KCNJ3: variants seen among roughly 807,000 people sequenced by gnomAD.
KCNJ3 encodes the protein potassium inwardly rectifying channel subfamily J member 3, also known as G protein-activated inward rectifier potassium channel 1.
Under a neutral mutation model 39.2 loss-of-function variants are expected in KCNJ3, and 4 were observed. The observed-to-expected ratio is 0.10, with a 90% CI of 0.05 to 0.23. The LOEUF is 0.23. Ranked by LOEUF, KCNJ3 falls within the 10% of genes least tolerant of loss-of-function variation. KCNJ3 has a pLI of 1.00. For synonymous variants in KCNJ3, 230 were observed against 237.4 expected (o/e 0.97, Z 0.29); for missense variants, 276 against 634.9 (o/e 0.43, Z 6.08).
At chr2:154,743,759 A>T (rs1685691122) in intron 2 of KCNJ3, among the ~76,000 whole-genome samples, 1 of 151,664 alleles carries the variant, frequency 6.6e-6, no homozygotes, top group Non-Finnish European at 1.5e-5. Flanking sequence ...AAAGAAAATC[A>T]TGCAATCTCC....
chr2:154,825,940 T>A (rs1687264520), intron 2 of KCNJ3, among the ~76,000 whole-genome samples: 1 of 151,568 alleles, frequency 6.6e-6, no homozygotes. Flanking sequence ...TGCAATCACA[T>A]TCCACCCAGG....
chr2:154,832,431 T>C (rs1381915482), intron 2 of KCNJ3, among the ~76,000 whole-genome samples: 1 of 152,208 alleles, frequency 6.6e-6, no homozygotes, highest in Non-Finnish European at 1.5e-5. Flanking sequence ...CTTTGTTTGA[T>C]GGTGATGGAA....
At chr2:154,787,105 A>C (rs1044493599) in intron 2 of KCNJ3, among the ~76,000 whole-genome samples, 1 of 152,178 alleles carries the variant, frequency 6.6e-6, no homozygotes, top group Admixed American at 6.5e-5. Flanking sequence ...AAGTAGTTAT[A>C]AAGTATATTG....
At chr2:154,838,479 C>A (rs1201306722) in intron 2 of KCNJ3, among the ~76,000 whole-genome samples, 1 of 152,094 alleles carries the variant, frequency 6.6e-6, no homozygotes, top group Non-Finnish European at 1.5e-5. Context: ...ACAGTACATA[C>A]TTCCTAGGGT....
intron 2 of KCNJ3, among the ~76,000 whole-genome samples, chr2:154,735,069 CTG>C (rs10632638): frequency 2.2e-3 from 314 of 145,716 alleles, no homozygotes; most frequent in East Asian, 0.019. Flanking sequence ...CCTTGTAGGC[CTG>C]TGTGTGTGTG....
chr2:154,705,790 TA>T (rs1399452459), intron 1 of KCNJ3, among the ~76,000 whole-genome samples: 1 of 152,126 alleles, frequency 6.6e-6, no homozygotes, highest in Non-Finnish European at 1.5e-5. Flanking sequence ...TTAATTTATT[TA>T]AACAAATTTT....
chr2:154,745,393 A>G (rs577644828), intron 2 of KCNJ3, among the ~76,000 whole-genome samples: 4 of 152,076 alleles, frequency 2.6e-5, no homozygotes, highest in African/African-American at 7.2e-5. Flanking sequence ...ACACATTTTT[A>G]AATCTCTGCT....
intron 2 of KCNJ3, among the ~76,000 whole-genome samples, chr2:154,761,778 G>T (rs1020020329): frequency 1.3e-5 from 2 of 152,124 alleles, no homozygotes; most frequent in African/African-American, 2.4e-5. Context: ...AATGTAATTA[G>T]TTAGGGTACT....
At chr2:154,800,481 T>C (rs969509076) in intron 2 of KCNJ3, among the ~76,000 whole-genome samples, 41 of 152,230 alleles carry the variant, frequency 2.7e-4, no homozygotes, top group African/African-American at 9.9e-4. Context: ...ACATTTCTTG[T>C]AGTTTTTCTT....
intron 2 of KCNJ3, among the ~76,000 whole-genome samples, chr2:154,721,824 G>C (rs1314701532): frequency 2.0e-5 from 3 of 152,104 alleles, no homozygotes; most frequent in Non-Finnish European, 4.4e-5. Context: ...GAAACAACTT[G>C]TCTGTCTTCT....
chr2:154,709,704 C>A lies in KCNJ3; in HGVS notation c.804C>A (p.Leu268=), dbSNP rs764893987. 6.2e-7 allele frequency: 1 copy of A among 1,613,946 alleles called. No individual in the cohort carries two copies. The highest frequency in any genetic ancestry group is 1.1e-5 in the South Asian group (1 of 91,078). ...ATCAACTTTTTCTTGTGTCCCCCCTCACAATTTGCCACGTGATCGATGCCA... is the reference window on the plus strand; with the variant it reads ...ATCAACTTTTTCTTGTGTCCCCCCTAACAATTTGCCACGTGATCGATGCCA... ...GADQLFLVSP[L]TICHVIDAKS... Residue 268 remains leucine, a synonymous_variant, in exon 2 of 3, where the codon CTC becomes CTA. Coordinates refer to ENST00000295101, the MANE Select transcript of KCNJ3 (RefSeq NM_002239.4).
At chr2:154,723,350 AC>A (rs1685296123) in intron 2 of KCNJ3, among the ~76,000 whole-genome samples, 1 of 152,168 alleles carries the variant, frequency 6.6e-6, no homozygotes. Context: ...TTAGGTTTGG[AC>A]TGCAGGGTGA....
At chr2:154,793,120 A>G (rs1449613488) in intron 2 of KCNJ3, among the ~76,000 whole-genome samples, 6 of 152,092 alleles carry the variant, frequency 3.9e-5, no homozygotes, top group African/African-American at 1.4e-4. Flanking sequence ...TCACATCATG[A>G]CATTCAAAAG....
chr2:154,822,792 T>C (rs1687206690), intron 2 of KCNJ3, among the ~76,000 whole-genome samples: 2 of 151,956 alleles, frequency 1.3e-5, no homozygotes. Context: ...ATTCACAGTA[T>C]ACCAAAAATA....
chr2:154,784,126 C>T (rs189081923), intron 2 of KCNJ3, among the ~76,000 whole-genome samples: 95 of 152,052 alleles, frequency 6.2e-4, no homozygotes, highest in Non-Finnish European at 5.1e-4. Context: ...AGCATAAGTA[C>T]GTTTTGTGAA....
chr2:154,781,864 A>G (rs890164989), intron 2 of KCNJ3, among the ~76,000 whole-genome samples: 19 of 152,200 alleles, frequency 1.2e-4, no homozygotes, highest in African/African-American at 3.4e-4. Flanking sequence ...GAGGGGCTCA[A>G]TAGAGCCCTA....
intron 2 of KCNJ3, among the ~76,000 whole-genome samples, chr2:154,822,276 ACTACAGTACTAAAT>A (rs1404203144): frequency 1.3e-5 from 2 of 152,178 alleles, no homozygotes; most frequent in African/African-American, 4.8e-5. Context: ...TGGGATTGAA[ACTACAGTACTAAAT>A]CTACAGTACT....
chr2:154,812,629 A>T (rs2105102789), intron 2 of KCNJ3, among the ~76,000 whole-genome samples: 1 of 152,108 alleles, frequency 6.6e-6, no homozygotes, highest in East Asian at 1.9e-4. Flanking sequence ...CTCCAGAGTA[A>T]CCCCCTTCTT....
intron 2 of KCNJ3, among the ~76,000 whole-genome samples, chr2:154,723,242 G>A (rs1251429245): frequency 2.0e-5 from 3 of 152,176 alleles, no homozygotes; most frequent in East Asian, 1.9e-4. Flanking sequence ...CTGTGATGGC[G>A]CCACTGCACT....
Sources: allele counts gnomAD v4.1 joint callset (sites outside exome capture counted in the v4.1 genomes callset), GRCh38; gene constraint gnomAD v4.1.1; transcripts MANE v1.5; gene names NCBI Gene and HGNC (gene_info 2026-07-23, HGNC 2026-07-21).